ZNF423: variants seen among roughly 807,000 people sequenced by gnomAD.
ZNF423 encodes the protein Ebf-associated zinc finger protein.
ZNF423 carries 12 observed loss-of-function variants against 95.8 expected under a neutral mutation model. The ratio of observed to expected loss-of-function variants is 0.13; its 90% CI spans 0.08 to 0.20. ZNF423 has a LOEUF of 0.20. ZNF423 is among the 10% of genes least tolerant of loss of function. The probability of loss-of-function intolerance (pLI) is 1.00; values close to 1 mark genes in which losing one functional copy is unlikely to be tolerated. For synonymous variants in ZNF423, 749 were observed against 711.9 expected (o/e 1.05, Z -0.83); for missense variants, 1,316 against 1,737.1 (o/e 0.76, Z 4.31).
At chr16:49,580,323 A>G (rs1970631740) in intron 5 of ZNF423, among the ~76,000 whole-genome samples, 1 of 151,730 alleles carries the variant, frequency 6.6e-6, no homozygotes, top group South Asian at 2.1e-4. Context: ...CATCCTCCCA[A>G]TTTTCCCTAT....
At chr16:49,671,352 A>T (rs530979182) in intron 3 of ZNF423, among the ~76,000 whole-genome samples, 12 of 152,314 alleles carry the variant, frequency 7.9e-5, no homozygotes, top group African/African-American at 2.2e-4. Flanking sequence ...CAGACAAACC[A>T]TAGGCCCTGG....
intron 5 of ZNF423, among the ~76,000 whole-genome samples, chr16:49,549,958 G>A (rs901800844): frequency 6.6e-6 from 1 of 151,490 alleles, no homozygotes; most frequent in South Asian, 2.1e-4. Flanking sequence ...CTGCAGCCTC[G>A]ACCTCACAGA....
chr16:49,736,394 C>G lies in ZNF423; in HGVS notation c.101-5423G>C, dbSNP rs369605503. Among the ~76,000 whole-genome samples, 13 of 152,260 alleles carry G rather than the reference C, an allele frequency of 8.5e-5. No individual in the cohort carries two copies. In the East Asian group the frequency reaches 1.2e-3, roughly 14 times the overall value. On this transcript the variant is annotated intron_variant, in intron 2 of 7. Transcript: ENST00000563137. ...CCCACACCAGGAAACCCCACTACAC[C>G]ACACCCACCCAAACCCAGCTTCCCT...
chr16:49,551,784 C>T (rs374249461), intron 5 of ZNF423, among the ~76,000 whole-genome samples: 11 of 152,134 alleles, frequency 7.2e-5, no homozygotes, highest in East Asian at 1.9e-4. Flanking sequence ...ACACCGAAAA[C>T]GGGCCCCTCA....
intron 7 of ZNF423, among the ~76,000 whole-genome samples, chr16:49,496,377 C>T (rs548948350): frequency 4.0e-4 from 61 of 152,178 alleles, no homozygotes; most frequent in Non-Finnish European, 5.6e-4. Context: ...GAGAGGATCC[C>T]TCACGGACAG....
intron 1 of ZNF423, among the ~76,000 whole-genome samples, chr16:49,836,268 CAA>C (rs2035119104): frequency 6.6e-6 from 1 of 152,130 alleles, no homozygotes; most frequent in East Asian, 1.9e-4. Flanking sequence ...CCACCTGTCT[CAA>C]ATGTCCCAGG....
At chr16:49,734,083 C>T (rs2033229797) in intron 2 of ZNF423, among the ~76,000 whole-genome samples, 2 of 152,220 alleles carry the variant, frequency 1.3e-5, no homozygotes, top group African/African-American at 4.8e-5. Context: ...CTCTCCAAGG[C>T]CCAGGAGGCA....
chr16:49,842,776 C>T (rs1366991941), intron 1 of ZNF423, among the ~76,000 whole-genome samples: 1 of 152,066 alleles, frequency 6.6e-6, no homozygotes, highest in East Asian at 1.9e-4. Context: ...GAGATTGAGA[C>T]CATCCTGGCC....
chr16:49,762,957 T>G (rs1167613703), intron 2 of ZNF423, among the ~76,000 whole-genome samples: 3 of 152,210 alleles, frequency 2.0e-5, no homozygotes, highest in Non-Finnish European at 4.4e-5. Context: ...AGCCTCGGAC[T>G]CCTGGACTCA....
chr16:49,721,066 C>T (rs2032851965), intron 3 of ZNF423, among the ~76,000 whole-genome samples: 1 of 152,236 alleles, frequency 6.6e-6, no homozygotes, highest in African/African-American at 2.4e-5. Flanking sequence ...CTGATGTACA[C>T]ACGGTGATGG....
At chr16:49,560,078 C>A (rs1969966825) in intron 5 of ZNF423, among the ~76,000 whole-genome samples, 1 of 152,164 alleles carries the variant, frequency 6.6e-6, no homozygotes, top group Non-Finnish European at 1.5e-5. Context: ...GCTTTGTTTG[C>A]ACCTCTGATT....
intron 3 of ZNF423, chr16:49,708,044 A>G (rs2032413413): frequency 6.5e-6 from 1 of 153,270 alleles, no homozygotes; most frequent in African/African-American, 2.4e-5. Flanking sequence ...GTGATGTTAC[A>G]GAAAAGGACC....
Position 49,559,257 on chromosome 16 carries a change from G to A in ZNF423, c.3602-33763C>T, listed in dbSNP as rs187397987. Reference sequence around the variant, plus strand: ...AAGCCCTGGGATATTGCCACTTCCCGCTTTGTACTTTCCTACTCAGTACCA... The same window carrying A: ...AAGCCCTGGGATATTGCCACTTCCCACTTTGTACTTTCCTACTCAGTACCA... On this transcript the variant is annotated intron_variant, in intron 5 of 7. Transcript: ENST00000563137. Among the ~76,000 whole-genome samples, 793 of 152,350 alleles carry A rather than the reference G, an allele frequency of 5.2e-3. 4 individuals are homozygous for A. The highest frequency in any genetic ancestry group is 9.0e-3 in the Non-Finnish European group (613 of 68,036).
rs538149548 is a variant in ZNF423, at chr16:49,599,540, A to G, written c.3601+26630T>C. 2.0e-5 allele frequency among the ~76,000 whole-genome samples: 3 copies of G among 152,348 alleles called. No individual in the cohort carries two copies. In the South Asian group the frequency reaches 6.2e-4, roughly 32 times the overall value. ...TCCCAAGACCCCAGAGCCAGGATTC[A>G]TAGACAACATGGAACACAGATGGGC... is the stretch of plus-strand genomic sequence containing the variant. On this transcript the variant is annotated intron_variant, in intron 5 of 7. Transcript: ENST00000563137.
chr16:49,798,450 G>A (rs1292373141), intron 1 of ZNF423, among the ~76,000 whole-genome samples: 1 of 152,136 alleles, frequency 6.6e-6, no homozygotes, highest in African/African-American at 2.4e-5. Context: ...AGAGGTTGCA[G>A]TGAGCCAAGA....
chr16:49,514,077 ATACTTGG>A (rs901548123), intron 7 of ZNF423, among the ~76,000 whole-genome samples: 3 of 151,500 alleles, frequency 2.0e-5, no homozygotes, highest in African/African-American at 7.3e-5. Context: ...TGGGCCTCAG[ATACTTGG>A]TACTGGCTCT....
At chr16:49,641,528 C>A (rs1271803263) in intron 3 of ZNF423, among the ~76,000 whole-genome samples, 1 of 152,140 alleles carries the variant, frequency 6.6e-6, no homozygotes, top group Non-Finnish European at 1.5e-5. Flanking sequence ...GCAGGTGAAA[C>A]CACTATCACT....
chr16:49,632,102 G>A (rs541850579), intron 4 of ZNF423, among the ~76,000 whole-genome samples: 255 of 152,298 alleles, frequency 1.7e-3, no homozygotes, highest in Non-Finnish European at 3.1e-3. Context: ...GAAAGGCACC[G>A]TGGGGATCTG....
intron 3 of ZNF423, among the ~76,000 whole-genome samples, chr16:49,681,822 GCGATGCAAT>G (rs1160446751): frequency 2.6e-5 from 4 of 152,060 alleles, no homozygotes; most frequent in Non-Finnish European, 4.4e-5. Flanking sequence ...CTGGAGTGCA[GCGATGCAAT>G]CATGGTTCAC....
Sources: allele counts gnomAD v4.1 joint callset (sites outside exome capture counted in the v4.1 genomes callset), GRCh38; gene constraint gnomAD v4.1.1; transcripts MANE v1.5; gene names NCBI Gene and HGNC (gene_info 2026-07-23, HGNC 2026-07-21).